Variants in NAV1 observed in about 807,000 individuals in gnomAD.
NAV1 encodes neuron navigator 1.
NAV1 carries 18 observed loss-of-function variants against 175.2 expected under a neutral mutation model. The ratio of observed to expected loss-of-function variants is 0.10; its 90% CI spans 0.07 to 0.15. The LOEUF is 0.15. Among genes scored for constraint, NAV1 ranks in the 10% least tolerant of loss-of-function variants. The probability of loss-of-function intolerance (pLI) is 1.00; values close to 1 mark genes in which losing one functional copy is unlikely to be tolerated. For missense variants in NAV1, 1,731 were observed against 2,436.6 expected (o/e 0.71, Z 6.10); for synonymous variants, 897 against 978.7 (o/e 0.92, Z 1.56).
chr1:201,655,413 A>C (rs1669363486), intron 1 of NAV1, among the ~76,000 whole-genome samples: 1 of 152,192 alleles, frequency 6.6e-6, no homozygotes, highest in South Asian at 2.1e-4. Flanking sequence ...GATGTCCCAG[A>C]GCCTGCGGCC....
At chr1:201,687,380 A>G (rs1211857800) in intron 1 of NAV1, among the ~76,000 whole-genome samples, 1 of 152,218 alleles carries the variant, frequency 6.6e-6, no homozygotes, top group Non-Finnish European at 1.5e-5. Flanking sequence ...AGGATTGGTA[A>G]GAGCTTAAAG....
At chr1:201,671,549 C>T (rs931366140) in intron 1 of NAV1, among the ~76,000 whole-genome samples, 2 of 152,234 alleles carry the variant, frequency 1.3e-5, no homozygotes, top group African/African-American at 4.8e-5. Flanking sequence ...TCAATTTGCT[C>T]ATCTCTCCTA....
intron 3 of NAV1, among the ~76,000 whole-genome samples, chr1:201,734,496 AAGG>A (rs775142096): frequency 5.9e-5 from 8 of 136,448 alleles, no homozygotes; most frequent in Admixed American, 4.0e-4. Context: ...GAAGAAGGAG[AAGG>A]AGAAGAAGAA....
exon 7 of NAV1, chr1:201,783,808 A>G (rs1676509234): frequency 2.5e-6 from 4 of 1,614,042 alleles, no homozygotes; most frequent in Non-Finnish European, 3.4e-6. Context: ...AAGAGACGGA[A>G]GAGCTGACTT....
intron 1 of NAV1, among the ~76,000 whole-genome samples, chr1:201,670,595 A>C (rs1670004956): frequency 1.3e-5 from 2 of 150,392 alleles, no homozygotes; most frequent in East Asian, 3.9e-4. Flanking sequence ...GATAGAGATG[A>C]TGGTGATTTT....
At chr1:201,696,430 C>T (rs1671193769) in intron 1 of NAV1, among the ~76,000 whole-genome samples, 1 of 152,212 alleles carries the variant, frequency 6.6e-6, no homozygotes, top group African/African-American at 2.4e-5. Flanking sequence ...GGTTTCAGAG[C>T]TGGGACAAAG....
At chr1:201,784,836 G>A (rs1349810700) in intron 7 of NAV1, among the ~76,000 whole-genome samples, 2 of 151,628 alleles carry the variant, frequency 1.3e-5, no homozygotes, top group African/African-American at 2.4e-5. Flanking sequence ...GCGCGATCTT[G>A]GCTCACTTGC....
rs1668819489 is a variant in NAV1 at position 201,642,556 on chromosome 1, TTTTC to T, written c.5-6077_5-6074del. The stretch of plus-strand genomic sequence containing the variant: ...TTCTTTCTTTCTTTCTTTCTTTCTT[TTTTC>T]CCTTTCTTCCCTTCCTTCTCTTTCT... On this transcript the variant is annotated intron_variant, in intron 2 of 29. Coordinates refer to the NAV1 transcript ENST00000367302. Among the ~76,000 whole-genome samples, 12 of 124,058 alleles carry T rather than the reference TTTTC, an allele frequency of 9.7e-5. No individual in the cohort carries two copies. The South Asian group carries it at 2.9e-3, about 30-fold the overall frequency. 81.4% of individuals were successfully genotyped at this position (124,058 alleles called of 152,430 possible). A position where few individuals can be genotyped will look rare whatever the true frequency, so the allele number is the denominator to read the frequency against.
chr1:201,659,799 G>T (rs536179264), intron 1 of NAV1, among the ~76,000 whole-genome samples: 1 of 152,292 alleles, frequency 6.6e-6, no homozygotes, highest in Admixed American at 6.5e-5. Context: ...AGCCGGCTGC[G>T]CTGGGGTAGG....
At chr1:201,616,595 C>T (rs995305698) in intron 2 of NAV1, among the ~76,000 whole-genome samples, 1 of 152,300 alleles carries the variant, frequency 6.6e-6, no homozygotes, top group African/African-American at 2.4e-5. Flanking sequence ...TCAAGCGATT[C>T]TCCTGCCTCA....
At chr1:201,744,619 T>C (rs925202633) in intron 3 of NAV1, among the ~76,000 whole-genome samples, 3 of 152,138 alleles carry the variant, frequency 2.0e-5, no homozygotes, top group African/African-American at 7.2e-5. Context: ...CCAGGTCATA[T>C]GTGCAGTAAC....
At chr1:201,756,658 T>C (rs936675211) in intron 3 of NAV1, among the ~76,000 whole-genome samples, 2 of 152,224 alleles carry the variant, frequency 1.3e-5, no homozygotes, top group Non-Finnish European at 2.9e-5. Flanking sequence ...ACTCAATATG[T>C]AGAAATTCTC....
At chr1:201,653,501 G>T (rs1359151378) in intron 1 of NAV1, among the ~76,000 whole-genome samples, 2 of 152,058 alleles carry the variant, frequency 1.3e-5, no homozygotes, top group East Asian at 3.9e-4. Context: ...GAATTTTTTG[G>T]GGGGGAGGGG....
chr1:201,697,380 A>AG (rs1390174542), intron 1 of NAV1, among the ~76,000 whole-genome samples: 1 of 152,194 alleles, frequency 6.6e-6, no homozygotes, highest in African/African-American at 2.4e-5. Flanking sequence ...TGCAGGCTGA[A>AG]GTGGGGCAGG....
chr1:201,547,134 G>A (rs556748575), intron 1 of NAV1, among the ~76,000 whole-genome samples: 12 of 151,656 alleles, frequency 7.9e-5, no homozygotes, highest in South Asian at 2.1e-4. Flanking sequence ...TTACAGGCAC[G>A]CGCCACCATG....
At chr1:201,672,910 G>A (rs1670099591) in intron 1 of NAV1, among the ~76,000 whole-genome samples, 1 of 152,204 alleles carries the variant, frequency 6.6e-6, no homozygotes, top group Non-Finnish European at 1.5e-5. Flanking sequence ...ATAGACTGAT[G>A]GCGATGCCAG....
At chr1:201,599,202 A>G (rs1157718221) in intron 2 of NAV1, among the ~76,000 whole-genome samples, 1 of 152,184 alleles carries the variant, frequency 6.6e-6, no homozygotes, top group African/African-American at 2.4e-5. Context: ...CTCTCTTTGG[A>G]TCACGTGATT....
At chr1:201,764,804 A>G (rs1348478238) in intron 3 of NAV1, among the ~76,000 whole-genome samples, 6 of 152,260 alleles carry the variant, frequency 3.9e-5, no homozygotes, top group African/African-American at 9.6e-5. Flanking sequence ...TTGCACATGC[A>G]TAGAATTTTA....
chr1:201,786,918 A>T (rs1055450626), intron 9 of NAV1, among the ~76,000 whole-genome samples: 4 of 152,186 alleles, frequency 2.6e-5, no homozygotes, highest in African/African-American at 9.7e-5. Flanking sequence ...ACCCAGTACT[A>T]CTAGGGCCAG....
Sources: gnomAD v4.1 joint callset for allele counts (sites outside exome capture counted in the v4.1 genomes callset) on GRCh38, gnomAD v4.1.1 for gene constraint, MANE v1.5 for transcripts, NCBI Gene and HGNC (gene_info 2026-07-23, HGNC 2026-07-21) for gene names.